TRNAU1AP: variants seen among roughly 807,000 people sequenced by gnomAD.
The protein encoded by TRNAU1AP is tRNA selenocysteine 1-associated protein 1.
Under a neutral mutation model 43.3 loss-of-function variants are expected in TRNAU1AP, and 33 were observed. That is an observed-to-expected ratio of 0.76 (90% CI 0.58 to 1.02). The LOEUF (loss-of-function observed/expected upper bound fraction) is 1.02, where lower values mean the gene tolerates loss of function less well. Among genes scored for constraint, TRNAU1AP ranks in the 50% least tolerant of loss-of-function variants. The probability of loss-of-function intolerance (pLI) is 0.00; values close to 1 mark genes in which losing one functional copy is unlikely to be tolerated. For synonymous variants in TRNAU1AP, 143 were observed against 129.1 expected, an observed-to-expected ratio of 1.11 and a Z score of -0.73; for missense variants, 290 against 362.7, an observed-to-expected ratio of 0.80 and a Z score of 1.63.
intron 4 of TRNAU1AP, among the ~76,000 whole-genome samples, chr1:28,562,737 C>T (rs1304682353): frequency 1.3e-5 from 2 of 151,870 alleles, no homozygotes; most frequent in African/African-American, 2.4e-5. Context: ...CCTGCCACCA[C>T]GCCTGGCTAA....
At chr1:28,576,900 A>T (rs952603447) in intron 8 of TRNAU1AP, among the ~76,000 whole-genome samples, 2 of 152,110 alleles carry the variant, frequency 1.3e-5, no homozygotes, top group Non-Finnish European at 2.9e-5. Flanking sequence ...TGCAGAAAAA[A>T]TTTTTAATAG....
intron 5 of TRNAU1AP, 65 bp downstream of exon 5, chr1:28,564,899 G>C: frequency 3.1e-6 from 5 of 1,604,154 alleles, no homozygotes; most frequent in Non-Finnish European, 1.7e-6. Flanking sequence ...CTGAGTGGAG[G>C]TGTTTTAGAA....
intron 3 of TRNAU1AP, chr1:28,561,063 G>C: frequency 7.4e-7 from 1 of 1,353,774 alleles, no homozygotes; most frequent in East Asian, 3.0e-5. Flanking sequence ...GAATAGGCTG[G>C]CAGCAGCAAG....
At chr1:28,560,528 G>T in intron 2 of TRNAU1AP, 105 bp from the exon 3 acceptor site, 4 of 824,986 alleles carry the variant, frequency 4.8e-6, no homozygotes, top group Non-Finnish European at 5.9e-6. Context: ...CACCTGCCTT[G>T]GCCTCCCAAA....
chr1:28,565,711 CG>C (rs1299350971), intron 5 of TRNAU1AP: 1 of 151,406 alleles, frequency 6.6e-6, no homozygotes, highest in African/African-American at 2.4e-5. Context: ...TGCTTGAATC[CG>C]GGAGGCAGAG....
At chr1:28,565,698 A>G (rs1665522342) in intron 5 of TRNAU1AP, 1 of 152,016 alleles carries the variant, frequency 6.6e-6, no homozygotes, top group Non-Finnish European at 1.5e-5. Context: ...GCTGAGGCAG[A>G]ATTGCTTGAA....
chr1:28,578,385 C>CTT lies in TRNAU1AP; in HGVS notation c.*750_*751dup, dbSNP rs1238417285. On this transcript the variant is annotated 3_prime_UTR_variant, in exon 9 of 9. Coordinates refer to ENST00000373830, the MANE Select transcript of TRNAU1AP (RefSeq NM_017846.5). ...TGTCCAACCTTGTCATGTGTTGGGA[C>CTT]TTACTGCTTGAGGCAAAGCATTCAT... 8 of 202,004 alleles carry CTT rather than the reference C, an allele frequency of 4.0e-5. No homozygotes were observed. Among genetic ancestry groups the CTT allele is most frequent in the Non-Finnish European group, 7.1e-5 (7 of 97,990 alleles). 12.5% of individuals were successfully genotyped at this position (202,004 alleles called of 1,614,324 possible).
chr1:28,557,550 GTCTTA>G (rs1469463874), intron 2 of TRNAU1AP, among the ~76,000 whole-genome samples: 3 of 147,052 alleles, frequency 2.0e-5, no homozygotes, highest in Non-Finnish European at 4.5e-5. Flanking sequence ...TTTTCCTTGG[GTCTTA>G]TCTTTTCTCC....
At chr1:28,561,024 T>G (rs1665393708) in intron 3 of TRNAU1AP, 1 of 1,339,118 alleles carries the variant, frequency 7.5e-7, no homozygotes, top group Non-Finnish European at 9.6e-7. Flanking sequence ...GACTTGAAAC[T>G]CTAGACCTCT....
At chr1:28,575,454 TG>T (rs1287012286) in intron 8 of TRNAU1AP, among the ~76,000 whole-genome samples, 4 of 149,274 alleles carry the variant, frequency 2.7e-5, no homozygotes, top group African/African-American at 5.0e-5. Context: ...CCAGGCCCAA[TG>T]TTTTTTTTTG....
In TRNAU1AP at chr1:28,553,100, G is replaced by T; in HGVS notation, c.-11G>T. 2 of 1,523,148 alleles carry T rather than the reference G, an allele frequency of 1.3e-6. No homozygotes were observed. The highest frequency in any genetic ancestry group is 1.2e-5 in the South Asian group (1 of 81,976). 94.4% of individuals were successfully genotyped at this position (1,523,148 alleles called of 1,614,324 possible). On this transcript the variant is annotated 5_prime_UTR_variant, in exon 1 of 9. Transcript: ENST00000373830. ...AGCCCCGCCCGCAAAGCCCCACCCCGGTGCGCGGGTATGGCGGCCAGCCTG... is the reference window on the plus strand; with the variant it reads ...AGCCCCGCCCGCAAAGCCCCACCCCTGTGCGCGGGTATGGCGGCCAGCCTG...
intron 6 of TRNAU1AP, among the ~76,000 whole-genome samples, chr1:28,568,846 C>G (rs1665598386): frequency 6.8e-6 from 1 of 147,226 alleles, no homozygotes; most frequent in African/African-American, 2.5e-5. Context: ...GTGTCTTGCT[C>G]TTTTGCCCAT....
At chr1:28,553,760 CT>C in intron 2 of TRNAU1AP, 23 bp downstream of exon 2, 1 of 1,589,646 alleles carries the variant, frequency 6.3e-7, no homozygotes. Flanking sequence ...TCAGGTCTCT[CT>C]TAATACATCT....
At chr1:28,563,597 T>A (rs879689029) in intron 4 of TRNAU1AP, among the ~76,000 whole-genome samples, 4 of 151,708 alleles carry the variant, frequency 2.6e-5, no homozygotes, top group African/African-American at 4.8e-5. Context: ...GGCAAGAGAA[T>A]CGCTTGAACC....
intron 8 of TRNAU1AP, among the ~76,000 whole-genome samples, chr1:28,572,117 C>G (rs1181885763): frequency 8.6e-6 from 1 of 116,282 alleles, no homozygotes; most frequent in Non-Finnish European, 2.0e-5. Context: ...ACAGGCAGCT[C>G]CAGGAGAGCC....
At chr1:28,553,797 G>C in intron 2 of TRNAU1AP, 60 bp downstream of exon 2, 1 of 1,440,816 alleles carries the variant, frequency 6.9e-7, no homozygotes, top group Non-Finnish European at 9.7e-7. Context: ...GTACGAGAAT[G>C]TAAACATCGT....
chr1:28,557,266 G>A (rs61786000), intron 2 of TRNAU1AP, among the ~76,000 whole-genome samples: 149,590 of 151,240 alleles, frequency 0.99, 73,985 homozygotes, highest in Middle Eastern at 1. Flanking sequence ...AAAAATACAA[G>A]AAAATTAGCC....
chr1:28,571,817 G>C, intron 7 of TRNAU1AP, 50 bp from the exon 8 acceptor site: 1 of 1,484,652 alleles, frequency 6.7e-7, no homozygotes, highest in Non-Finnish European at 9.2e-7. Flanking sequence ...CTGTGGTCCT[G>C]GGCCAGGATT....
chr1:28,567,374 G>A lies in TRNAU1AP; in HGVS notation c.491G>A (p.Gly164Glu), dbSNP rs1294787829. The A allele has an allele frequency of 2.5e-6, 4 of 1,613,064 alleles. No individual in the cohort carries two copies. The highest frequency in any genetic ancestry group is 3.4e-6 in the Non-Finnish European group (4 of 1,179,780). Residue 164 changes from glycine to glutamate, a missense_variant, in exon 6 of 9, where the codon GGG (glycine) becomes GAG (glutamate). Physicochemically the swap from Gly to Glu is moderately conservative, Grantham distance 98. Coordinates refer to ENST00000373830, the MANE Select transcript of TRNAU1AP (RefSeq NM_017846.5). Reference sequence around the variant, plus strand: ...GAGTGCCAGGGAGCAGTGGGACTGGGGTCTAAGCCTGTGCGGCTGAGCGTG... The same window carrying A: ...GAGTGCCAGGGAGCAGTGGGACTGGAGTCTAAGCCTGTGCGGCTGAGCGTG... ...LTECQGAVGL[G>E]SKPVRLSVAI... is the part of the protein sequence containing the mutation.
Sources: allele counts gnomAD v4.1 joint callset (sites outside exome capture counted in the v4.1 genomes callset), GRCh38; gene constraint gnomAD v4.1.1; transcripts MANE v1.5; gene names NCBI Gene and HGNC (gene_info 2026-07-23, HGNC 2026-07-21).